The following DNAJC15 variants were observed in gnomAD, a reference collection of about 807,000 sequenced individuals.
DNAJC15 encodes the protein DnaJ heat shock protein family (Hsp40) member C15.
A neutral mutation model predicts 22.4 loss-of-function variants in DNAJC15; 27 were observed. The observed-to-expected ratio is 1.20, with a 90% confidence interval of 0.89 to 1.66. The LOEUF is 1.66. DNAJC15 is among the 40% of genes most tolerant of loss of function. DNAJC15 has a pLI of 0.00. For synonymous variants in DNAJC15, 79 were observed against 63.2 expected (o/e 1.25, Z -1.19); for missense variants, 208 against 187.1 (o/e 1.11, Z -0.65).
chr13:43,041,174 A>T (rs1444841310), intron 1 of DNAJC15, among the ~76,000 whole-genome samples: 1 of 152,200 alleles, frequency 6.6e-6, no homozygotes, highest in East Asian at 1.9e-4. Flanking sequence ...ACCTTGGACG[A>T]TACCTGGCTT....
intron 5 of DNAJC15, among the ~76,000 whole-genome samples, chr13:43,087,513 G>T (rs981572911): frequency 6.6e-6 from 1 of 152,176 alleles, no homozygotes; most frequent in Non-Finnish European, 1.5e-5. Flanking sequence ...CGAAATCCAA[G>T]AGTATTTGGG....
At chr13:43,045,263 A>AT (rs138937907) in intron 1 of DNAJC15, among the ~76,000 whole-genome samples, 2,094 of 152,104 alleles carry the variant, frequency 0.014, 27 homozygotes, top group Middle Eastern at 0.034. Context: ...TCCAAAAGTC[A>AT]TTTTTTTCAG....
chr13:43,046,776 G>A (rs1028900620), intron 1 of DNAJC15, among the ~76,000 whole-genome samples: 2 of 152,074 alleles, frequency 1.3e-5, no homozygotes, highest in African/African-American at 2.4e-5. Flanking sequence ...GCTTTTGCTC[G>A]CTGTCCACCG....
At chr13:43,051,138 C>T (rs974827718) in intron 1 of DNAJC15, among the ~76,000 whole-genome samples, 1 of 152,082 alleles carries the variant, frequency 6.6e-6, no homozygotes, top group African/African-American at 2.4e-5. Flanking sequence ...CCACACCCAG[C>T]TAATTTTTTT....
intron 5 of DNAJC15, among the ~76,000 whole-genome samples, chr13:43,087,292 G>A (rs2040693253): frequency 6.6e-6 from 1 of 152,148 alleles, no homozygotes; most frequent in South Asian, 2.1e-4. Context: ...GAAAGTTCAT[G>A]CACTTCCTAA....
intron 5 of DNAJC15, among the ~76,000 whole-genome samples, chr13:43,098,829 C>T (rs951785829): frequency 7.2e-5 from 11 of 152,054 alleles, no homozygotes; most frequent in Non-Finnish European, 1.2e-4. Flanking sequence ...AATGTGAGTC[C>T]TCCTACTTTA....
chr13:43,057,839 G>C (rs2040539343), intron 1 of DNAJC15, among the ~76,000 whole-genome samples: 1 of 152,162 alleles, frequency 6.6e-6, no homozygotes, highest in Non-Finnish European at 1.5e-5. Flanking sequence ...TGGGCTTCCG[G>C]AGAGCCAGAC....
rs2040806978 is a variant in DNAJC15 at position 43,108,104 on chromosome 13, G to C, written c.*856G>C. The C allele has an allele frequency of 6.6e-6, 1 of 152,618 alleles. No individual in the cohort carries two copies. Among genetic ancestry groups the C allele is most frequent in the African/African-American group, 2.4e-5 (1 of 41,462 alleles). 9.5% of individuals were successfully genotyped at this position (152,618 alleles called of 1,614,324 possible). A position where few individuals can be genotyped will look rare whatever the true frequency, so the allele number is the denominator to read the frequency against. On this transcript the variant is annotated 3_prime_UTR_variant, in exon 6 of 6. Coordinates refer to ENST00000379221, the MANE Select transcript of DNAJC15 (RefSeq NM_013238.3). ...GGATAAATCACAAATAGTGAATACT[G>C]TTAGATACAGATGATATATTTTAAA...
At chr13:43,032,987 A>G (rs1353299105) in intron 1 of DNAJC15, among the ~76,000 whole-genome samples, 2 of 152,210 alleles carry the variant, frequency 1.3e-5, no homozygotes, top group Non-Finnish European at 2.9e-5. Flanking sequence ...AGTGGGAGCC[A>G]CCACTTCACA....
At chr13:43,034,069 C>T (rs2040416272) in intron 1 of DNAJC15, among the ~76,000 whole-genome samples, 1 of 150,904 alleles carries the variant, frequency 6.6e-6, no homozygotes, top group South Asian at 2.1e-4. Flanking sequence ...AGTTTCATCA[C>T]ATCATATGAA....
intron 5 of DNAJC15, among the ~76,000 whole-genome samples, chr13:43,093,034 A>G (rs571831813): frequency 1.3e-5 from 2 of 152,254 alleles, no homozygotes; most frequent in African/African-American, 4.8e-5. Context: ...GGGACTATTA[A>G]TTTTTTCCAG....
chr13:43,044,194 C>T (rs1030450601), intron 1 of DNAJC15, among the ~76,000 whole-genome samples: 1 of 152,106 alleles, frequency 6.6e-6, no homozygotes, highest in African/African-American at 2.4e-5. Flanking sequence ...GAGACTGAAC[C>T]TAATAGTAAG....
At chr13:43,055,317 A>T (rs562831593) in intron 1 of DNAJC15, among the ~76,000 whole-genome samples, 4 of 151,988 alleles carry the variant, frequency 2.6e-5, no homozygotes, top group Non-Finnish European at 5.9e-5. Context: ...AGGATAAGAC[A>T]TCCCCTCCTC....
intron 5 of DNAJC15, among the ~76,000 whole-genome samples, chr13:43,092,861 C>T (rs999546013): frequency 6.6e-6 from 1 of 152,166 alleles, no homozygotes; most frequent in East Asian, 1.9e-4. Context: ...CTACGGTGAG[C>T]TATGATCATG....
At chr13:43,068,257 A>G (rs2153440935) in intron 2 of DNAJC15, among the ~76,000 whole-genome samples, 1 of 152,242 alleles carries the variant, frequency 6.6e-6, no homozygotes, top group South Asian at 2.1e-4. Context: ...TGATGCCCTC[A>G]AAATAATTTA....
At position 43,050,486 on chromosome 13, in the gene DNAJC15, C is replaced by G. The variant is rs2040497804; in HGVS notation, c.109-15200C>G. 2.0e-5 allele frequency among the ~76,000 whole-genome samples: 3 copies of G among 151,814 alleles called. No homozygotes were observed. The South Asian group carries it at 6.3e-4, about 32-fold the overall frequency. On this transcript the variant is annotated intron_variant, in intron 1 of 5. Coordinates refer to ENST00000379221, the MANE Select transcript of DNAJC15 (RefSeq NM_013238.3). Reference sequence around the variant, plus strand: ...AACTTTTCTTTAGTAGAGACAGGGTCTTCTTGTGTTGCCGAGGCTGGTCTC... The same window carrying G: ...AACTTTTCTTTAGTAGAGACAGGGTGTTCTTGTGTTGCCGAGGCTGGTCTC...
intron 3 of DNAJC15, among the ~76,000 whole-genome samples, chr13:43,076,334 A>G (rs1357960528): frequency 7.9e-5 from 12 of 152,214 alleles, no homozygotes; most frequent in Non-Finnish European, 1.6e-4. Flanking sequence ...ATTTATTACC[A>G]AGTAGAAATT....
intron 1 of DNAJC15, among the ~76,000 whole-genome samples, chr13:43,030,151 A>G (rs1264583050): frequency 6.6e-6 from 1 of 152,194 alleles, no homozygotes; most frequent in East Asian, 1.9e-4. Context: ...ATTGCTTATT[A>G]ATATCTCCAA....
chr13:43,034,760 GT>G (rs1169033934), intron 1 of DNAJC15, among the ~76,000 whole-genome samples: 1 of 152,104 alleles, frequency 6.6e-6, no homozygotes, highest in African/African-American at 2.4e-5. Flanking sequence ...ATCTCTTTCA[GT>G]TGACTCTTGT....
Sources: allele counts gnomAD v4.1 joint callset (sites outside exome capture counted in the v4.1 genomes callset), GRCh38; gene constraint gnomAD v4.1.1; transcripts MANE v1.5; gene names NCBI Gene and HGNC (gene_info 2026-07-23, HGNC 2026-07-21).